The following B4GAT1 variants were observed in gnomAD, a reference collection of about 807,000 sequenced individuals.
The protein encoded by B4GAT1 is N-acetyllactosaminide beta-1,3-N-acetylglucosaminyltransferase.
A neutral mutation model predicts 35.0 loss-of-function variants in B4GAT1; 18 were observed. The ratio of observed to expected loss-of-function variants is 0.51; its 90% CI spans 0.36 to 0.76. The LOEUF (loss-of-function observed/expected upper bound fraction) is 0.76, where lower values mean the gene tolerates loss of function less well. Ranked by LOEUF, B4GAT1 falls within the 30% of genes least tolerant of loss-of-function variation. The pLI is 0.01. For synonymous variants in B4GAT1, 217 were observed against 251.6 expected (o/e 0.86, Z 1.30); for missense variants, 458 against 555.0 (o/e 0.83, Z 1.76).
Position 66,346,588 on chromosome 11 carries a change from G to A in B4GAT1, c.958C>T (p.Pro320Ser), listed in dbSNP as rs1272536382. ...AATGGCTCCCAGGGGTCCTGCCAAG[G>A]TACCACGTAGGCGGGCCGCAGCAAG... The part of the protein sequence containing the change: ...ESLLRPAYVV[P>S]WQDPWEPFYV... The change falls in exon 1 of 2, where the codon CCT becomes TCT. Residue 320 changes from proline (P) to serine (S), a missense_variant. Physicochemically the swap from Pro to Ser is moderately conservative, Grantham distance 74. Transcript: ENST00000311181. This position sits in a 1 kb window ranked among gnomAD's most constrained non-coding sequence, Gnocchi z 6.1. 7 of 1,613,798 alleles carry A rather than the reference G, an allele frequency of 4.3e-6. No individual in the cohort carries two copies. In the Admixed American group the frequency reaches 8.3e-5, roughly 19 times the overall value.
In B4GAT1 at chr11:66,347,254, C is replaced by A; in HGVS notation, c.292G>T (p.Ala98Ser). The change falls in exon 1 of 2, where the codon GCC becomes TCC. Residue 98 changes from alanine (A) to serine (S), a missense_variant. Physicochemically the swap from Ala to Ser is moderately conservative, Grantham distance 99. Coordinates refer to ENST00000311181, the MANE Select transcript of B4GAT1 (RefSeq NM_006876.3). The surrounding 1 kb of genome is among the most constrained non-coding windows in gnomAD (Gnocchi z 6.3). ...AGGTTGTCCACGCTGGCGTGCGTGG[C>A]CAGGATCACATCGTTGGGGTCCATG... ...TTMDPNDVIL[A>S]THASVDNLLH... The A allele has an allele frequency of 6.4e-7, 1 of 1,570,598 alleles. No homozygotes were observed. Among genetic ancestry groups the A allele is most frequent in the East Asian group, 2.4e-5 (1 of 42,248 alleles).
chr11:66,347,394 G>C lies in B4GAT1; in HGVS notation c.152C>G (p.Pro51Arg). The change falls in exon 1 of 2, where the codon CCG becomes CGG. Residue 51 changes from proline (P) to arginine (R), a missense_variant. By Grantham distance (103) the Pro-to-Arg change is moderately radical (BLOSUM62 -2). Transcript: ENST00000311181. This position sits in a 1 kb window ranked among gnomAD's most constrained non-coding sequence, Gnocchi z 6.3. The stretch of plus-strand genomic sequence containing the variant: ...GACCTGGTCCACGGACCGTGGGGAC[G>C]GGGGAAAGAACTCAAAATATTGGTC... ...EQDQYFEFFPPSPRSVDQVKA... is the reference protein window; with the variant it reads ...EQDQYFEFFPRSPRSVDQVKA... The C allele has an allele frequency of 1.3e-6, 2 of 1,585,632 alleles. No homozygotes were observed. The highest frequency in any genetic ancestry group is 1.7e-6 in the Non-Finnish European group (2 of 1,166,220).
At position 66,347,103 on chromosome 11, in the gene B4GAT1, T is replaced by G. The variant is rs1380794129; in HGVS notation, c.443A>C (p.Asp148Ala). Residue 148 changes from aspartate (D) to alanine (A), a missense_variant, in exon 1 of 2, where the codon GAC becomes GCC. Asp to Ala is a moderately radical substitution (Grantham distance 126, BLOSUM62 -2). Coordinates refer to ENST00000311181, the MANE Select transcript of B4GAT1 (RefSeq NM_006876.3). This position sits in a 1 kb window ranked among gnomAD's most constrained non-coding sequence, Gnocchi z 6.3. ...LAYALSSHCPDMRARVAMHLV... is the reference protein window; with the variant it reads ...LAYALSSHCPAMRARVAMHLV... ...GTGCATGGCGACCCTGGCGCGCATG[T>G]CGGGGCAGTGGCTGCTCAGCGCGTA... 2 of 1,584,712 alleles carry G rather than the reference T, an allele frequency of 1.3e-6. No homozygotes were observed. Among genetic ancestry groups the G allele is most frequent in the Admixed American group, 3.5e-5 (2 of 57,732 alleles).
Position 66,346,673 on chromosome 11 carries a change from C to G in B4GAT1, c.873G>C (p.Leu291Phe). The G allele has an allele frequency of 6.2e-7, 1 of 1,613,830 alleles. No homozygotes were observed. The change falls in exon 1 of 2, where the codon TTG becomes TTC. Residue 291 changes from leucine to phenylalanine, a missense_variant. By Grantham distance (22) the Leu-to-Phe change is conservative. Transcript: ENST00000311181. The surrounding 1 kb of genome is among the most constrained non-coding windows in gnomAD (Gnocchi z 6.1). Reference protein sequence around the residue: ...VGEVRPFYYGLCTPCQAPTNY... With the variant: ...VGEVRPFYYGFCTPCQAPTNY... ...TGGTGGGTGCCTGGCAGGGGGTGCA[C>G]AACCCATAATAGAAGGGCCGCACCT...
rs920728231 is a variant in B4GAT1, at chr11:66,347,460, T to C, written c.86A>G (p.Tyr29Cys). 3.9e-6 allele frequency: 6 copies of C among 1,535,080 alleles called. No homozygotes were observed. The African/African-American group carries it at 5.5e-5, about 14-fold the overall frequency. The change falls in exon 1 of 2, where the codon TAC (tyrosine) becomes TGC (cysteine). Residue 29 changes from tyrosine (Y) to cysteine (C), a missense_variant. Coordinates refer to ENST00000311181, the MANE Select transcript of B4GAT1 (RefSeq NM_006876.3). This position sits in a 1 kb window ranked among gnomAD's most constrained non-coding sequence, Gnocchi z 6.3. ...LMLVAMLQLL[Y>C]LSLLSGLHGQ... The stretch of plus-strand genomic sequence containing the variant: ...GTGCAGTCCGGACAGCAGCGACAGG[T>C]AGAGCAGCTGCAGCATCGCCACCAG...
chr11:66,347,186 C>T lies in B4GAT1; in HGVS notation c.360G>A (p.Leu120=). The change falls in exon 1 of 2, where the codon CTG becomes CTA. Residue 120 remains leucine, a synonymous_variant. Transcript: ENST00000311181. This position sits in a 1 kb window ranked among gnomAD's most constrained non-coding sequence, Gnocchi z 6.3. ...TGGTGGCCGCGAACACCGACACGGACAGCGGGCCCTCCCAGCGCTCCAGCA... is the reference window on the plus strand; with the variant it reads ...TGGTGGCCGCGAACACCGACACGGATAGCGGGCCCTCCCAGCGCTCCAGCA... ...SGLLERWEGP[L]SVSVFAATKE... is the part of the protein sequence containing the mutation. The T allele has an allele frequency of 1.3e-6, 2 of 1,586,204 alleles. No individual in the cohort carries two copies. The highest frequency in any genetic ancestry group is 1.7e-6 in the Non-Finnish European group (2 of 1,167,082).
Position 66,347,105 on chromosome 11 carries a change from G to A in B4GAT1, c.441C>T (p.Pro147=). The A allele has an allele frequency of 1.3e-6, 2 of 1,584,708 alleles. No individual in the cohort carries two copies. The highest frequency in any genetic ancestry group is 1.7e-6 in the Non-Finnish European group (2 of 1,165,526). ...VLAYALSSHC[P]DMRARVAMHL... ...GCATGGCGACCCTGGCGCGCATGTC[G>A]GGGCAGTGGCTGCTCAGCGCGTAGG... Residue 147 remains proline (P), a synonymous_variant, in exon 1 of 2, where the codon CCC becomes CCT. Transcript: ENST00000311181. This position sits in a 1 kb window ranked among gnomAD's most constrained non-coding sequence, Gnocchi z 6.3.
In B4GAT1 at chr11:66,346,750, G is replaced by A. The variant is rs1455459346; in HGVS notation, c.796C>T (p.Arg266Cys). The change falls in exon 1 of 2, where the codon CGC becomes TGC. Residue 266 changes from arginine (R) to cysteine (C), a missense_variant. Transcript: ENST00000311181. This position sits in a 1 kb window ranked among gnomAD's most constrained non-coding sequence, Gnocchi z 6.1. ...TCGTTTTTGTTCATGGGCATGCGGC[G>A]GGCTCTTCGGATTTCGAAGGCAGGC... ...VVPAFEIRRA[R>C]RMPMNKNELV... The A allele has an allele frequency of 6.2e-7, 1 of 1,613,772 alleles. No individual in the cohort carries two copies. Among genetic ancestry groups the A allele is most frequent in the Admixed American group, 1.7e-5 (1 of 60,026 alleles).
chr11:66,347,309 G>C lies in B4GAT1; in HGVS notation c.237C>G (p.Tyr79Ter). The C allele has an allele frequency of 6.4e-7, 1 of 1,569,848 alleles. No homozygotes were observed. The highest frequency in any genetic ancestry group is 8.6e-7 in the Non-Finnish European group (1 of 1,157,798). The change falls in exon 1 of 2, where the codon TAC becomes TAG. Residue 79 changes from tyrosine (Y) to a stop codon, truncating the protein, a stop_gained. Coordinates refer to ENST00000311181, the MANE Select transcript of B4GAT1 (RefSeq NM_006876.3). LOFTEE classifies it high-confidence loss of function. This position sits in a 1 kb window ranked among gnomAD's most constrained non-coding sequence, Gnocchi z 6.3. ...SGGVLDASGD[Y>*]RVYRGLLKTT... The stretch of plus-strand genomic sequence containing the variant: ...TCTTCAGCAGGCCCCTGTAGACGCG[G>C]TAATCGCCGCTAGCGTCCAGGACGC...
chr11:66,347,097 C>G lies in B4GAT1; in HGVS notation c.449G>C (p.Arg150Pro). 4 of 1,583,138 alleles carry G rather than the reference C, an allele frequency of 2.5e-6. No homozygotes were observed. The highest frequency in any genetic ancestry group is 2.3e-5 in the South Asian group (2 of 87,194). ...YALSSHCPDM[R>P]ARVAMHLVCP... ...CACGAGGTGCATGGCGACCCTGGCG[C>G]GCATGTCGGGGCAGTGGCTGCTCAG... is the stretch of plus-strand genomic sequence containing the variant. The change falls in exon 1 of 2, where the codon CGC becomes CCC. Residue 150 changes from arginine (R) to proline (P), a missense_variant. Arg to Pro is a moderately radical substitution (Grantham distance 103, BLOSUM62 -2). Coordinates refer to ENST00000311181, the MANE Select transcript of B4GAT1 (RefSeq NM_006876.3). The surrounding 1 kb of genome is among the most constrained non-coding windows in gnomAD (Gnocchi z 6.3).
Position 66,345,526 on chromosome 11 carries a change from GGAATTTTAGGCTTCTGTTCAA to G in B4GAT1, c.*502_*522del, listed in dbSNP as rs1855195025. 1 of 152,556 alleles carries G rather than the reference GGAATTTTAGGCTTCTGTTCAA, an allele frequency of 6.6e-6. No individual in the cohort carries two copies. Among genetic ancestry groups the G allele is most frequent in the South Asian group, 2.1e-4 (1 of 4,870 alleles). 9.5% of individuals were successfully genotyped at this position (152,556 alleles called of 1,614,324 possible). A position where few individuals can be genotyped will look rare whatever the true frequency, so the allele number is the denominator to read the frequency against. The stretch of plus-strand genomic sequence containing the variant: ...TGAAGGCGAAGCCCTGAGAGAACCA[GGAATTTTAGGCTTCTGTTCAA>G]GAGCTAAGAACTAAATTTTATGCCT... On this transcript the variant is annotated 3_prime_UTR_variant, in exon 2 of 2. Transcript: ENST00000311181.
rs200574075 is a variant in B4GAT1, at chr11:66,346,622, C to T, written c.924G>A (p.Pro308=). 1.9e-4 allele frequency: 307 copies of T among 1,613,888 alleles called. 1 individual carries two copies. In the Middle Eastern group the frequency reaches 2.0e-3, roughly 10 times the overall value. Residue 308 remains proline (P), a synonymous_variant, in exon 1 of 2, where the codon CCG becomes CCA. Transcript: ENST00000311181. This position sits in a 1 kb window ranked among gnomAD's most constrained non-coding sequence, Gnocchi z 6.1. ...AGGCGGGCCGCAGCAAGCTCTCTTC[C>T]GGCAGGTTGACCCAGCGGGAATAGT... is the stretch of plus-strand genomic sequence containing the variant. ...PTNYSRWVNL[P]EESLLRPAYV...
chr11:66,347,260 T>C lies in B4GAT1; in HGVS notation c.286A>G (p.Ile96Val). The change falls in exon 1 of 2, where the codon ATC becomes GTC. Residue 96 changes from isoleucine (I) to valine (V), a missense_variant. Coordinates refer to ENST00000311181, the MANE Select transcript of B4GAT1 (RefSeq NM_006876.3). The surrounding 1 kb of genome is among the most constrained non-coding windows in gnomAD (Gnocchi z 6.3). ...TCCACGCTGGCGTGCGTGGCCAGGATCACATCGTTGGGGTCCATGGTGGTC... is the reference window on the plus strand; with the variant it reads ...TCCACGCTGGCGTGCGTGGCCAGGACCACATCGTTGGGGTCCATGGTGGTC... ...LKTTMDPNDV[I>V]LATHASVDNL... 1.3e-6 allele frequency: 2 copies of C among 1,570,418 alleles called. No homozygotes were observed. Among genetic ancestry groups the C allele is most frequent in the Non-Finnish European group, 1.7e-6 (2 of 1,158,168 alleles).
rs1206751261 is a variant in B4GAT1, at chr11:66,346,517, C to A, written c.1029G>T (p.Arg343=). 1 of 1,611,152 alleles carries A rather than the reference C, an allele frequency of 6.2e-7. No individual in the cohort carries two copies. The highest frequency in any genetic ancestry group is 1.7e-5 in the Admixed American group (1 of 59,938). Residue 343 remains arginine (R), a synonymous_variant, in exon 1 of 2, where the codon CGG becomes CGT. Transcript: ENST00000311181. This position sits in a 1 kb window ranked among gnomAD's most constrained non-coding sequence, Gnocchi z 6.1. ...GGCTGATTCGGTTGAAGCCGTACTG[C>A]CGAAAGCGCTCGTCGAAGGTGGGCA... is the stretch of plus-strand genomic sequence containing the variant. ...GKVPTFDERF[R]QYGFNRISQA... is the part of the protein sequence containing the mutation.
At position 66,346,195 on chromosome 11, in the gene B4GAT1, C is replaced by T; in HGVS notation, c.1102G>A (p.Glu368Lys). The T allele has an allele frequency of 6.2e-7, 1 of 1,614,038 alleles. No individual in the cohort carries two copies. ...VAGFDFEVLN[E>K]GFLVHKGFKE... is the part of the protein sequence containing the mutation. Reference sequence around the variant, plus strand: ...AAGCCCTTATGAACCAAGAAACCTTCGTTCAGGACCTCAAAATCAAACCCC... The same window carrying T: ...AAGCCCTTATGAACCAAGAAACCTTTGTTCAGGACCTCAAAATCAAACCCC... The change falls in exon 2 of 2, where the codon GAA (glutamate) becomes AAA (lysine). Residue 368 changes from glutamate to lysine, a missense_variant. Transcript: ENST00000311181. This position sits in a 1 kb window ranked among gnomAD's most constrained non-coding sequence, Gnocchi z 6.1.
At position 66,347,623 on chromosome 11, in the gene B4GAT1, G is replaced by A; in HGVS notation, c.-78C>T. On this transcript the variant is annotated 5_prime_UTR_variant, in exon 1 of 2. Transcript: ENST00000311181. The surrounding 1 kb of genome is among the most constrained non-coding windows in gnomAD (Gnocchi z 6.3). Reference sequence around the variant, plus strand: ...CAGCGGCCGCAAGCCCGGATTTACCGCAGCCTGCCGAGCGCAGCCGAGGCG... The same window carrying A: ...CAGCGGCCGCAAGCCCGGATTTACCACAGCCTGCCGAGCGCAGCCGAGGCG... 3 of 1,228,060 alleles carry A rather than the reference G, an allele frequency of 2.4e-6. No homozygotes were observed. Among genetic ancestry groups the A allele is most frequent in the Non-Finnish European group, 3.0e-6 (3 of 985,564 alleles). 76.1% of individuals were successfully genotyped at this position (1,228,060 alleles called of 1,614,324 possible).
chr11:66,346,533 A>T lies in B4GAT1; in HGVS notation c.1013T>A (p.Phe338Tyr). 6.2e-7 allele frequency: 1 copy of T among 1,612,590 alleles called. No homozygotes were observed. The highest frequency in any genetic ancestry group is 1.7e-5 in the Admixed American group (1 of 59,996). ...GCCGTACTGCCGAAAGCGCTCGTCG[A>T]AGGTGGGCACCTTGCCTCCTGCCAC... ...FYVAGGKVPT[F>Y]DERFRQYGFN... is the part of the protein sequence containing the mutation. Residue 338 changes from phenylalanine (F) to tyrosine (Y), a missense_variant, in exon 1 of 2, where the codon TTC (phenylalanine) becomes TAC (tyrosine). Transcript: ENST00000311181. This position sits in a 1 kb window ranked among gnomAD's most constrained non-coding sequence, Gnocchi z 6.1.
chr11:66,346,144 G>T lies in B4GAT1; in HGVS notation c.1153C>A (p.Gln385Lys), dbSNP rs761556556. 1.4e-5 allele frequency: 22 copies of T among 1,613,928 alleles called. No homozygotes were observed. The East Asian group carries it at 4.7e-4, about 34-fold the overall frequency. Reference sequence around the variant, plus strand: ...TTGTGCTGATTTTCAGCCTCCTTTTGGGGATGGAACTTCAACGCTTCTTTG... The same window carrying T: ...TTGTGCTGATTTTCAGCCTCCTTTTTGGGATGGAACTTCAACGCTTCTTTG... ...GFKEALKFHPQKEAENQHNKI... is the reference protein window; with the variant it reads ...GFKEALKFHPKKEAENQHNKI... Residue 385 changes from glutamine to lysine, a missense_variant, in exon 2 of 2, where the codon CAA becomes AAA. Transcript: ENST00000311181. The surrounding 1 kb of genome is among the most constrained non-coding windows in gnomAD (Gnocchi z 6.1).
Position 66,346,025 on chromosome 11 carries a change from T to C in B4GAT1, c.*24A>G. The C allele has an allele frequency of 1.3e-6, 2 of 1,594,996 alleles. No individual in the cohort carries two copies. Among genetic ancestry groups the C allele is most frequent in the Non-Finnish European group, 1.7e-6 (2 of 1,165,260 alleles). The stretch of plus-strand genomic sequence containing the variant: ...GGCCTGAGGAGCCAAGAGGCTGACT[T>C]CTCAGATTAGGGGAGGGAAGGGCTC... On this transcript the variant is annotated 3_prime_UTR_variant, in exon 2 of 2. Transcript: ENST00000311181. The surrounding 1 kb of genome is among the most constrained non-coding windows in gnomAD (Gnocchi z 6.1).
Sources: allele counts gnomAD v4.1 joint callset, GRCh38; gene constraint gnomAD v4.1.1; non-coding constraint Gnocchi (gnomAD v3.1); transcripts MANE v1.5; gene names NCBI Gene and HGNC (gene_info 2026-07-23, HGNC 2026-07-21).